The following NIPAL2 variants were observed in gnomAD, a reference collection of about 807,000 sequenced individuals.
The protein encoded by NIPAL2 is NIPA like domain containing 2.
A neutral mutation model predicts 48.9 loss-of-function variants in NIPAL2; 43 were observed. The ratio of observed to expected loss-of-function variants is 0.88; its 90% CI spans 0.69 to 1.13. NIPAL2 has a LOEUF of 1.13. Ranked by LOEUF, NIPAL2 falls within the 50% of genes most tolerant of loss-of-function variation. The pLI is 0.00. For synonymous variants in NIPAL2, 167 were observed against 174.6 expected (o/e 0.96, Z 0.34); for missense variants, 446 against 461.4 (o/e 0.97, Z 0.31).
intron 8 of NIPAL2, among the ~76,000 whole-genome samples, chr8:98,200,948 C>T (rs1015167478): frequency 6.6e-6 from 1 of 152,106 alleles, no homozygotes; most frequent in Non-Finnish European, 1.5e-5. Context: ...AAGTTCTTTT[C>T]CCATTTTAAA....
chr8:98,269,845 T>A (rs1307589708), intron 1 of NIPAL2, among the ~76,000 whole-genome samples: 1 of 152,068 alleles, frequency 6.6e-6, no homozygotes, highest in Non-Finnish European at 1.5e-5. Flanking sequence ...GCCCCCTCCC[T>A]CCTCCAGAGT....
At chr8:98,282,618 A>G (rs1815904991) in intron 1 of NIPAL2, among the ~76,000 whole-genome samples, 1 of 152,168 alleles carries the variant, frequency 6.6e-6, no homozygotes, top group Non-Finnish European at 1.5e-5. Flanking sequence ...GGCTGCAGTG[A>G]GCTATGATTG....
At chr8:98,288,662 G>A (rs1361198298) in intron 1 of NIPAL2, among the ~76,000 whole-genome samples, 4 of 151,260 alleles carry the variant, frequency 2.6e-5, no homozygotes, top group Non-Finnish European at 4.4e-5. Context: ...CACCAACAGT[G>A]TAAAAGTGTT....
chr8:98,226,024 C>T (rs1310573848), intron 4 of NIPAL2, among the ~76,000 whole-genome samples: 4 of 151,822 alleles, frequency 2.6e-5, no homozygotes, highest in African/African-American at 4.8e-5. Context: ...TTGGTATGTC[C>T]GTTGCATTTT....
intron 1 of NIPAL2, among the ~76,000 whole-genome samples, chr8:98,291,728 C>A (rs1816498103): frequency 6.6e-6 from 1 of 152,152 alleles, no homozygotes; most frequent in South Asian, 2.1e-4. Flanking sequence ...GTCACAACTC[C>A]ATCACTTCTA....
At chr8:98,249,478 CAT>C (rs1252557388) in intron 3 of NIPAL2, among the ~76,000 whole-genome samples, 5 of 151,570 alleles carry the variant, frequency 3.3e-5, no homozygotes, top group East Asian at 1.9e-4. Context: ...ATATGTCAGA[CAT>C]ATGTCATATA....
chr8:98,193,093 G>T lies in NIPAL2; in HGVS notation c.1040-3C>A. 1 of 1,601,842 alleles carries T rather than the reference G, an allele frequency of 6.2e-7. No homozygotes were observed. The highest frequency in any genetic ancestry group is 8.6e-7 in the Non-Finnish European group (1 of 1,169,086). On this transcript the variant is annotated splice_region_variant and splice_polypyrimidine_tract_variant and intron_variant, in intron 10 of 10. Coordinates refer to ENST00000430223, the MANE Select transcript of NIPAL2 (RefSeq NM_001321635.2). ...TATTTTGTCCAACATTTGTTTCCCT[G>T]TGGAGATAATAATCATAGAGAATCT... is the stretch of plus-strand genomic sequence containing the variant.
intron 1 of NIPAL2, among the ~76,000 whole-genome samples, chr8:98,280,761 T>TATATATATAGAGAGAGAGAGAGAGAGAG: frequency 4.7e-4 from 14 of 30,016 alleles, no homozygotes; most frequent in African/African-American, 6.8e-4. Context: ...TATATATATA[T>TATATATATAGAGAGAGAGAGAGAGAGAG]AGAGAGAGAG....
intron 3 of NIPAL2, among the ~76,000 whole-genome samples, chr8:98,241,508 T>G (rs1217569283): frequency 6.6e-6 from 1 of 152,170 alleles, no homozygotes; most frequent in Non-Finnish European, 1.5e-5. Flanking sequence ...AATTCTTTGA[T>G]CTAGTAATTC....
intron 8 of NIPAL2, among the ~76,000 whole-genome samples, chr8:98,202,673 T>C (rs1482106348): frequency 6.6e-6 from 1 of 152,184 alleles, no homozygotes; most frequent in Non-Finnish European, 1.5e-5. Flanking sequence ...ACCATGCTTC[T>C]GTACAGCCTG....
rs140756328 is a variant in NIPAL2 at position 98,206,214 on chromosome 8, G to A, written c.656-968C>T. Among the ~76,000 whole-genome samples, 874 of 152,196 alleles carry A rather than the reference G, an allele frequency of 5.7e-3. 12 individuals are homozygous for A. The highest frequency in any genetic ancestry group is 0.02 in the African/African-American group (835 of 41,524). On this transcript the variant is annotated intron_variant, in intron 6 of 10. Coordinates refer to ENST00000430223, the MANE Select transcript of NIPAL2 (RefSeq NM_001321635.2). ...AAAAACTATAAGTCAAAGGCAATGC[G>A]AAGGAGAAATACTCCTTTTGTTGCT...
At chr8:98,195,686 T>C (rs1810508870) in intron 9 of NIPAL2, 3 of 350,550 alleles carry the variant, frequency 8.6e-6, no homozygotes, top group South Asian at 5.7e-5. Flanking sequence ...CAAGGGCCAG[T>C]GGATGTATCT....
chr8:98,195,727 T>G (rs896059892), intron 9 of NIPAL2: 6 of 405,152 alleles, frequency 1.5e-5, no homozygotes, highest in Non-Finnish European at 2.3e-5. Flanking sequence ...AAATCCCCAA[T>G]GTTTCAGAAC....
At chr8:98,193,534 T>G in intron 10 of NIPAL2, 1 of 990,410 alleles carries the variant, frequency 1.0e-6, no homozygotes, top group Admixed American at 1.8e-5. Context: ...TTAAAAATAA[T>G]CAGGCTCGGT....
intron 3 of NIPAL2, among the ~76,000 whole-genome samples, chr8:98,250,321 A>G (rs1813522762): frequency 6.6e-6 from 1 of 151,996 alleles, no homozygotes; most frequent in South Asian, 2.1e-4. Flanking sequence ...GTAGACACAG[A>G]CATAAGAGAC....
intron 6 of NIPAL2, among the ~76,000 whole-genome samples, chr8:98,211,200 G>A (rs1392373992): frequency 6.6e-6 from 1 of 151,924 alleles, no homozygotes; most frequent in Non-Finnish European, 1.5e-5. Flanking sequence ...TTTTTTACTA[G>A]GTAAACGTAT....
chr8:98,264,634 T>C (rs1392320839), intron 1 of NIPAL2, among the ~76,000 whole-genome samples: 44 of 149,800 alleles, frequency 2.9e-4, no homozygotes, highest in Admixed American at 6.7e-4. Flanking sequence ...TAAAAGAGGA[T>C]ACAAACAAAT....
chr8:98,265,892 A>G (rs1375895031), intron 1 of NIPAL2, among the ~76,000 whole-genome samples: 2 of 151,842 alleles, frequency 1.3e-5, no homozygotes, highest in Non-Finnish European at 2.9e-5. Flanking sequence ...CAAATGTCCA[A>G]CAATGATAGA....
At chr8:98,226,498 G>A (rs935706411) in intron 4 of NIPAL2, among the ~76,000 whole-genome samples, 24 of 152,316 alleles carry the variant, frequency 1.6e-4, no homozygotes, top group African/African-American at 5.5e-4. Context: ...TACTATGTTG[G>A]TGGTCTTGGA....
Sources: gnomAD v4.1 joint callset for allele counts (sites outside exome capture counted in the v4.1 genomes callset) on GRCh38, gnomAD v4.1.1 for gene constraint, MANE v1.5 for transcripts, NCBI Gene and HGNC (gene_info 2026-07-23, HGNC 2026-07-21) for gene names.